Variants in LRP1B observed in about 807,000 individuals in gnomAD.
The protein encoded by LRP1B is low-density lipoprotein receptor-related protein 1B.
In LRP1B, 217 loss-of-function variants were observed where a neutral mutation model predicts 556.6. The observed-to-expected ratio is 0.39, with a 90% CI of 0.35 to 0.44. LRP1B has a LOEUF of 0.44. LRP1B is among the 20% of genes least tolerant of loss of function. The pLI, the probability that LRP1B is intolerant of heterozygous loss-of-function variation, is 1.00. For synonymous variants in LRP1B, 2,047 were observed against 1,865.8 expected, an observed-to-expected ratio of 1.10 and a Z score of -2.50; for missense variants, 5,053 against 5,620.8, an observed-to-expected ratio of 0.90 and a Z score of 3.23.
chr2:140,907,737 A>G (rs1047662393), intron 22 of LRP1B, 140 bp downstream of exon 22: 13 of 770,182 alleles, frequency 1.7e-5, no homozygotes, highest in Non-Finnish European at 2.6e-5. Flanking sequence ...TGTCTGAGAA[A>G]TGTAGACAAG....
chr2:140,277,165 T>A (rs962737801), intron 84 of LRP1B, among the ~76,000 whole-genome samples: 2 of 151,926 alleles, frequency 1.3e-5, no homozygotes, highest in African/African-American at 4.8e-5. Context: ...TTGATGAATG[T>A]CCAGGACCAC....
chr2:141,720,097 C>T (rs1161273929), intron 2 of LRP1B, among the ~76,000 whole-genome samples: 4 of 152,092 alleles, frequency 2.6e-5, no homozygotes, highest in Non-Finnish European at 5.9e-5. Context: ...ACATTTTTCT[C>T]CATTCACAAT....
At chr2:140,389,722 G>T (rs1015487136) in intron 66 of LRP1B, among the ~76,000 whole-genome samples, 1 of 146,928 alleles carries the variant, frequency 6.8e-6, no homozygotes, top group Admixed American at 6.8e-5. Context: ...TATATATATA[G>T]TTATATATAT....
At chr2:141,328,365 C>A (rs1040210072) in intron 3 of LRP1B, among the ~76,000 whole-genome samples, 5 of 149,130 alleles carry the variant, frequency 3.4e-5, no homozygotes, top group African/African-American at 1.2e-4. Flanking sequence ...ATGAGACTAT[C>A]TATAGAACAT....
At chr2:140,645,832 CG>C (rs983389486) in intron 41 of LRP1B, among the ~76,000 whole-genome samples, 6 of 152,056 alleles carry the variant, frequency 3.9e-5, no homozygotes, top group African/African-American at 1.2e-4. Flanking sequence ...GCCATCGCAC[CG>C]GGCCTTGCCA....
chr2:141,566,802 T>A (rs72853599), intron 2 of LRP1B, among the ~76,000 whole-genome samples: 4 of 151,894 alleles, frequency 2.6e-5, no homozygotes, highest in Admixed American at 1.3e-4. Flanking sequence ...GAGGCTGCAG[T>A]GAGGTATGAT....
At chr2:141,775,779 A>T (rs1028654220) in intron 2 of LRP1B, among the ~76,000 whole-genome samples, 1 of 152,038 alleles carries the variant, frequency 6.6e-6, no homozygotes, top group African/African-American at 2.4e-5. Flanking sequence ...AAACTGTACA[A>T]ATATTTTAAT....
At chr2:140,913,425 C>T (rs1343655699) in intron 21 of LRP1B, among the ~76,000 whole-genome samples, 1 of 151,934 alleles carries the variant, frequency 6.6e-6, no homozygotes, top group Admixed American at 6.6e-5. Flanking sequence ...GGATGAGAAA[C>T]AAGCTTTACC....
intron 32 of LRP1B, among the ~76,000 whole-genome samples, chr2:140,794,277 T>G (rs554160628): frequency 6.6e-6 from 1 of 152,258 alleles, no homozygotes; most frequent in South Asian, 2.1e-4. Context: ...TAAATGTGAA[T>G]ACATAGGTAA....
At chr2:141,612,927 C>T (rs1313791752) in intron 2 of LRP1B, among the ~76,000 whole-genome samples, 5 of 152,150 alleles carry the variant, frequency 3.3e-5, no homozygotes, top group South Asian at 2.1e-4. Flanking sequence ...CTCAGCCTCC[C>T]GAGTAGCTGG....
At chr2:141,784,878 G>A (rs1464621846) in intron 2 of LRP1B, among the ~76,000 whole-genome samples, 1 of 151,898 alleles carries the variant, frequency 6.6e-6, no homozygotes, top group African/African-American at 2.4e-5. Context: ...TTTACGGACT[G>A]TGTACTACCT....
At chr2:141,627,921 G>A (rs550596095) in intron 2 of LRP1B, among the ~76,000 whole-genome samples, 1 of 152,214 alleles carries the variant, frequency 6.6e-6, no homozygotes, top group Admixed American at 6.5e-5. Context: ...TTGATTTGAT[G>A]GATCAATGGA....
At chr2:140,598,087 T>C (rs1310022596) in intron 43 of LRP1B, among the ~76,000 whole-genome samples, 2 of 152,174 alleles carry the variant, frequency 1.3e-5, no homozygotes, top group Non-Finnish European at 1.5e-5. Context: ...AAATACCTGC[T>C]GTAAGTGCTC....
In LRP1B at chr2:141,998,811, T is replaced by C. The variant is rs114650535; in HGVS notation, c.82+131837A>G. On this transcript the variant is annotated intron_variant, in intron 1 of 90. Coordinates refer to ENST00000389484, the MANE Select transcript of LRP1B (RefSeq NM_018557.3). ...AAGACCTGGAATCAATAGAAAGAAA[T>C]GTCTGGGTTAAGATAGGGGGTTATG... Among the ~76,000 whole-genome samples the C allele has an allele frequency of 7.9e-3, 1,200 of 152,178 alleles. 10 individuals carry two copies. The highest frequency in any genetic ancestry group is 0.014 in the Non-Finnish European group (968 of 67,992).
intron 1 of LRP1B, among the ~76,000 whole-genome samples, chr2:141,814,356 C>T (rs2105715987): frequency 6.6e-6 from 1 of 152,242 alleles, no homozygotes; most frequent in South Asian, 2.1e-4. Flanking sequence ...GCCCTAACTG[C>T]CTGACTGAGT....
At chr2:140,691,933 T>A (rs1381107893) in intron 41 of LRP1B, among the ~76,000 whole-genome samples, 3 of 152,164 alleles carry the variant, frequency 2.0e-5, no homozygotes, top group Non-Finnish European at 4.4e-5. Flanking sequence ...AAGAACAATC[T>A]TATTATAGCT....
At chr2:141,781,224 T>C (rs961731718) in intron 2 of LRP1B, among the ~76,000 whole-genome samples, 15 of 152,176 alleles carry the variant, frequency 9.9e-5, no homozygotes, top group African/African-American at 3.4e-4. Context: ...ATCCTTATTT[T>C]TGAGACAAGG....
In LRP1B at chr2:141,483,424, C is replaced by T. The variant is rs1682998598; in HGVS notation, c.206-2891G>A. Among the ~76,000 whole-genome samples the T allele has an allele frequency of 3.5e-5, 4 of 112,720 alleles. No homozygotes were observed. In the South Asian group the frequency reaches 1.2e-3, roughly 33 times the overall value. 73.9% of individuals were successfully genotyped at this position (112,720 alleles called of 152,430 possible). A position where few individuals can be genotyped will look rare whatever the true frequency, so the allele number is the denominator to read the frequency against. On this transcript the variant is annotated intron_variant, in intron 2 of 90. Coordinates refer to ENST00000389484, the MANE Select transcript of LRP1B (RefSeq NM_018557.3). ...TGTGAATAGTGCCACTATAAACATA[C>T]CTGTGCATGTGTCTTTGTAGCAGCA...
intron 82 of LRP1B, among the ~76,000 whole-genome samples, chr2:140,318,927 CTAA>C (rs1684651167): frequency 6.6e-6 from 1 of 151,958 alleles, no homozygotes; most frequent in Admixed American, 6.6e-5. Context: ...AGTATTATTA[CTAA>C]TGTCAGTGGT....
Sources: allele counts gnomAD v4.1 joint callset (sites outside exome capture counted in the v4.1 genomes callset), GRCh38; gene constraint gnomAD v4.1.1; transcripts MANE v1.5; gene names NCBI Gene and HGNC (gene_info 2026-07-23, HGNC 2026-07-21).